The following MYO16 variants were observed in gnomAD, a reference collection of about 807,000 sequenced individuals.
MYO16 encodes myosin XVI, also known as unconventional myosin-XVI.
In MYO16, 94 loss-of-function variants were observed where a neutral mutation model predicts 205.3. That is an observed-to-expected ratio of 0.46 (90% CI 0.39 to 0.54). MYO16 has a LOEUF of 0.54. Among genes scored for constraint, MYO16 ranks in the 20% least tolerant of loss-of-function variants. The probability of loss-of-function intolerance (pLI) is 0.00; values close to 1 mark genes in which losing one functional copy is unlikely to be tolerated. For synonymous variants in MYO16, 988 were observed against 954.0 expected, an observed-to-expected ratio of 1.04 and a Z score of -0.66; for missense variants, 2,315 against 2,387.5, an observed-to-expected ratio of 0.97 and a Z score of 0.63.
At chr13:108,950,336 T>C (rs7329573) in intron 16 of MYO16, among the ~76,000 whole-genome samples, 15,052 of 152,018 alleles carry the variant, frequency 0.099, 895 homozygotes, top group Middle Eastern at 0.24. Context: ...AAATTAACAG[T>C]AGGAAAATAA....
At chr13:108,941,297 A>AGG (rs1373040709) in intron 16 of MYO16, among the ~76,000 whole-genome samples, 1 of 152,120 alleles carries the variant, frequency 6.6e-6, no homozygotes, top group Non-Finnish European at 1.5e-5. Context: ...AGACAGATCG[A>AGG]GGGGATGCTG....
intron 31 of MYO16, among the ~76,000 whole-genome samples, chr13:109,139,714 C>T (rs1001225366): frequency 6.6e-6 from 1 of 152,130 alleles, no homozygotes; most frequent in Non-Finnish European, 1.5e-5. Context: ...GGGTGGGGAA[C>T]GTGACTGGGG....
At chr13:108,815,044 AT>A (rs1274129515) in intron 7 of MYO16, among the ~76,000 whole-genome samples, 14 of 152,170 alleles carry the variant, frequency 9.2e-5, no homozygotes, top group East Asian at 1.9e-4. Context: ...GAATTTATCA[AT>A]TTTTTTACAG....
At chr13:108,651,479 T>G (rs545188805) in intron 1 of MYO16, among the ~76,000 whole-genome samples, 1 of 152,312 alleles carries the variant, frequency 6.6e-6, no homozygotes, top group East Asian at 1.9e-4. Flanking sequence ...ATAGTAAGTG[T>G]CAGAAAGCAT....
chr13:108,593,087 A>G (rs1878447812), upstream of MYO16, among the ~76,000 whole-genome samples: 1 of 152,090 alleles, frequency 6.6e-6, no homozygotes, highest in African/African-American at 2.4e-5. Context: ...TTGCACTGTC[A>G]TTTCAATGTC....
chr13:108,869,765 C>CAAAAAAAAA (rs1878955511), intron 12 of MYO16, among the ~76,000 whole-genome samples: 2 of 126,842 alleles, frequency 1.6e-5, no homozygotes, highest in Admixed American at 8.5e-5. Flanking sequence ...AAAAAAGAAA[C>CAAAAAAAAA]CACACATAAA....
intron 2 of MYO16, among the ~76,000 whole-genome samples, chr13:108,688,310 C>T (rs573120422): frequency 5.8e-4 from 88 of 152,040 alleles, no homozygotes; most frequent in Non-Finnish European, 6.3e-4. Context: ...ATGAACAAGT[C>T]GGAAACGTTA....
At chr13:108,616,887 T>C (rs548471485) in intron 1 of MYO16, among the ~76,000 whole-genome samples, 3 of 152,096 alleles carry the variant, frequency 2.0e-5, no homozygotes, top group Non-Finnish European at 2.9e-5. Context: ...ACAAAAGTGA[T>C]CTGCTTGAAA....
the MYO16 span, among the ~76,000 whole-genome samples, chr13:108,552,990 G>C: frequency 0.055 from 7,220 of 132,174 alleles, 558 homozygotes; most frequent in African/African-American, 0.18. Context: ...CCAACTCTTA[G>C]TACTCTTTAA....
chr13:108,798,721 T>TTGGCC (rs1886874945), intron 6 of MYO16, among the ~76,000 whole-genome samples: 1 of 100,468 alleles, frequency 1.0e-5, no homozygotes, highest in Non-Finnish European at 1.9e-5. Context: ...TTTTTTGAGA[T>TTGGCC]GGAGTCTCGC....
intron 34 of MYO16, among the ~76,000 whole-genome samples, chr13:109,196,025 G>A (rs928130759): frequency 2.6e-5 from 4 of 152,130 alleles, no homozygotes; most frequent in Admixed American, 2.6e-4. Context: ...CAGGTTGTGA[G>A]AGATTTAGTG....
intron 20 of MYO16, among the ~76,000 whole-genome samples, chr13:108,972,280 T>TATATATATA (rs57199843): frequency 2.7e-5 from 2 of 73,852 alleles, no homozygotes; most frequent in Non-Finnish European, 2.6e-5. Context: ...TATATATATA[T>TATATATATA]TTACCAGCCA....
the MYO16 span, among the ~76,000 whole-genome samples, chr13:108,552,509 T>C: frequency 6.6e-6 from 1 of 152,172 alleles, no homozygotes; most frequent in Non-Finnish European, 1.5e-5. Flanking sequence ...ACTGAACATT[T>C]TCCCTATATC....
chr13:108,909,446 G>T (rs992902422), intron 15 of MYO16, among the ~76,000 whole-genome samples: 6 of 152,114 alleles, frequency 3.9e-5, no homozygotes, highest in Non-Finnish European at 5.9e-5. Context: ...AATACATTAT[G>T]TGTATTAAAC....
At chr13:109,152,955 A>G (rs866194262) in intron 32 of MYO16, among the ~76,000 whole-genome samples, 19 of 152,192 alleles carry the variant, frequency 1.2e-4, no homozygotes, top group Middle Eastern at 3.2e-3. Context: ...AATTGTATGG[A>G]TTTTTAAAAT....
chr13:109,180,401 A>G (rs1232039252), intron 34 of MYO16, among the ~76,000 whole-genome samples: 2 of 152,248 alleles, frequency 1.3e-5, no homozygotes, highest in African/African-American at 4.8e-5. Flanking sequence ...TGATGCACAA[A>G]CCACCCATTA....
chr13:108,783,434 C>T (rs767895348), intron 4 of MYO16, among the ~76,000 whole-genome samples: 2 of 152,184 alleles, frequency 1.3e-5, no homozygotes, highest in Non-Finnish European at 2.9e-5. Flanking sequence ...TTTACAGGCT[C>T]ATAGGCAGAA....
chr13:108,676,403 G>T (rs4771595), intron 2 of MYO16, among the ~76,000 whole-genome samples: 53 of 148,322 alleles, frequency 3.6e-4, no homozygotes, highest in Non-Finnish European at 4.5e-4. Flanking sequence ...GTGTGTGTGT[G>T]TGTGCCAGCC....
At chr13:108,869,747 A>G (rs1193144536) in intron 12 of MYO16, among the ~76,000 whole-genome samples, 1 of 147,238 alleles carries the variant, frequency 6.8e-6, no homozygotes, top group African/African-American at 2.5e-5. Context: ...AAAAAAAAAA[A>G]AAAAAAAAAA....
Sources: gnomAD v4.1 joint callset for allele counts (sites outside exome capture counted in the v4.1 genomes callset) on GRCh38, gnomAD v4.1.1 for gene constraint, MANE v1.5 for transcripts, NCBI Gene and HGNC (gene_info 2026-07-23, HGNC 2026-07-21) for gene names.